Variants in PTPRG observed in about 807,000 individuals in gnomAD.
The protein encoded by PTPRG is receptor-type tyrosine-protein phosphatase gamma.
Under a neutral mutation model 165.3 loss-of-function variants are expected in PTPRG, and 102 were observed. The observed-to-expected ratio is 0.62, with a 90% CI of 0.53 to 0.73. The LOEUF is 0.73. Among genes scored for constraint, PTPRG ranks in the 30% least tolerant of loss-of-function variants. The pLI, the probability that PTPRG is intolerant of heterozygous loss-of-function variation, is 0.00. For synonymous variants in PTPRG, 675 were observed against 669.5 expected (o/e 1.01, Z -0.13); for missense variants, 1,866 against 1,861.4 (o/e 1.00, Z -0.05).
intron 14 of PTPRG, among the ~76,000 whole-genome samples, chr3:62,234,828 C>G (rs1023658876): frequency 1.3e-4 from 19 of 151,794 alleles, no homozygotes; most frequent in African/African-American, 4.6e-4. Context: ...TTAAAAGTCT[C>G]TCCATTCTGA....
chr3:62,064,498 C>T (rs965553452), intron 4 of PTPRG, among the ~76,000 whole-genome samples: 1 of 112,852 alleles, frequency 8.9e-6, no homozygotes, highest in Admixed American at 1.1e-4. Flanking sequence ...TAATTTCTTC[C>T]TTCCCCTCCG....
At chr3:62,072,615 ATGTGTGTGTGTG>A (rs746425268) in intron 4 of PTPRG, among the ~76,000 whole-genome samples, 4 of 134,578 alleles carry the variant, frequency 3.0e-5, no homozygotes, top group Non-Finnish European at 4.7e-5. Flanking sequence ...ATATATGTGT[ATGTGTGTGTGTG>A]TGTGTGTGTG....
At chr3:62,104,589 A>C (rs1702408718) in intron 5 of PTPRG, among the ~76,000 whole-genome samples, 1 of 152,224 alleles carries the variant, frequency 6.6e-6, no homozygotes, top group Non-Finnish European at 1.5e-5. Context: ...ATTTCGTAGC[A>C]ATTTCAGTGT....
intron 1 of PTPRG, among the ~76,000 whole-genome samples, chr3:61,567,965 C>CTAA (rs1559506439): frequency 9.6e-4 from 119 of 123,830 alleles, no homozygotes; most frequent in East Asian, 2.8e-3. Context: ...GACCCTGCCT[C>CTAA]AAAAAAAAAA....
At position 62,219,158 on chromosome 3, in the gene PTPRG, C is replaced by G. The variant is rs1347711732; in HGVS notation, c.2288+175C>G. 6.6e-6 allele frequency among the ~76,000 whole-genome samples: 1 copy of G among 152,184 alleles called. No individual in the cohort carries two copies. The highest frequency in any genetic ancestry group is 1.5e-5 in the Non-Finnish European group (1 of 68,034). On this transcript the variant is annotated intron_variant, in intron 13 of 29. Coordinates refer to ENST00000474889, the MANE Select transcript of PTPRG (RefSeq NM_002841.4). This position sits in a 1 kb window ranked among gnomAD's most constrained non-coding sequence, Gnocchi z 4.5. Reference sequence around the variant, plus strand: ...CTGTTAGATGATGGCAGGGCCAGATCCACTTTTGAGGTCAAGGCATTTATG... The same window carrying G: ...CTGTTAGATGATGGCAGGGCCAGATGCACTTTTGAGGTCAAGGCATTTATG...
At chr3:61,915,829 A>G (rs551903467) in intron 2 of PTPRG, among the ~76,000 whole-genome samples, 6 of 152,212 alleles carry the variant, frequency 3.9e-5, no homozygotes, top group Non-Finnish European at 8.8e-5. Flanking sequence ...TTAAAGTCAA[A>G]TATCTGAACC....
chr3:62,243,762 T>TA, intron 14 of PTPRG, 45 bp from the exon 15 acceptor site: 1 of 1,220,270 alleles, frequency 8.2e-7, no homozygotes, highest in Non-Finnish European at 1.2e-6. Flanking sequence ...TGAACTCAAA[T>TA]AAAGTATATT....
chr3:61,995,600 G>A (rs1013000000), intron 3 of PTPRG, among the ~76,000 whole-genome samples: 2 of 151,670 alleles, frequency 1.3e-5, no homozygotes, highest in African/African-American at 4.8e-5. Flanking sequence ...GGGTGTGTGG[G>A]TATGGGGGTG....
chr3:62,085,026 C>T (rs1048015238), intron 5 of PTPRG, among the ~76,000 whole-genome samples: 2 of 152,114 alleles, frequency 1.3e-5, no homozygotes, highest in African/African-American at 4.8e-5. Flanking sequence ...GGGGGTAGAG[C>T]CTGAGACTAC....
intron 1 of PTPRG, among the ~76,000 whole-genome samples, chr3:61,650,980 T>C (rs1403762932): frequency 6.6e-6 from 1 of 152,198 alleles, no homozygotes; most frequent in Non-Finnish European, 1.5e-5. Flanking sequence ...TGTGGAGTTG[T>C]CTAGTAAAAG....
At chr3:62,026,272 A>G (rs1321918188) in intron 4 of PTPRG, among the ~76,000 whole-genome samples, 1 of 152,232 alleles carries the variant, frequency 6.6e-6, no homozygotes, top group Non-Finnish European at 1.5e-5. Context: ...TAGAAACTTC[A>G]TGCTGAAAGA....
chr3:62,293,906 T>A lies in PTPRG; in HGVS notation c.*599T>A, dbSNP rs1702982693. On this transcript the variant is annotated 3_prime_UTR_variant, in exon 30 of 30. Transcript: ENST00000474889. ...GCTGGTTAAGAGATCCCTTAAGAAG[T>A]TAGAAGGCTTAAGAACTGCTTCATG... is the stretch of plus-strand genomic sequence containing the variant. 1 of 152,558 alleles carries A rather than the reference T, an allele frequency of 6.6e-6. No homozygotes were observed. Among genetic ancestry groups the A allele is most frequent in the African/African-American group, 2.4e-5 (1 of 41,428 alleles). 9.5% of individuals were successfully genotyped at this position (152,558 alleles called of 1,614,324 possible).
At chr3:61,732,433 T>G (rs1352005169) in intron 1 of PTPRG, among the ~76,000 whole-genome samples, 1 of 151,452 alleles carries the variant, frequency 6.6e-6, no homozygotes, top group Non-Finnish European at 1.5e-5. Context: ...AAAAATTAGC[T>G]GGGCATGGTG....
intron 4 of PTPRG, among the ~76,000 whole-genome samples, chr3:62,060,803 ATATCT>A (rs1455605289): frequency 1.3e-5 from 2 of 152,224 alleles, no homozygotes; most frequent in Non-Finnish European, 2.9e-5. Context: ...CCGAAGTTAA[ATATCT>A]TATAGATTGT....
intron 1 of PTPRG, among the ~76,000 whole-genome samples, chr3:61,633,456 T>A (rs1701821293): frequency 6.6e-6 from 1 of 152,248 alleles, no homozygotes; most frequent in Admixed American, 6.5e-5. Flanking sequence ...GACAAAATGA[T>A]GTGAAACATT....
At chr3:62,215,950 G>A (rs950891165) in intron 12 of PTPRG, among the ~76,000 whole-genome samples, 5 of 152,202 alleles carry the variant, frequency 3.3e-5, no homozygotes, top group African/African-American at 1.2e-4. Context: ...GGGCGCGGTG[G>A]CTCACGCCTG....
intron 8 of PTPRG, among the ~76,000 whole-genome samples, chr3:62,186,566 C>CGTTTTTTTTTT (rs1559620068): frequency 2.0e-5 from 2 of 99,606 alleles, no homozygotes; most frequent in Admixed American, 8.8e-5. Context: ...TTTTTCTTTT[C>CGTTTTTTTTTT]CTTTTTTTTT....
Position 61,639,653 on chromosome 3 carries a change from T to C in PTPRG, c.85+77281T>C, listed in dbSNP as rs533984680. ...TGATTAGATGTATTCCTAGGTATTT[T>C]ATTCTTTTTTGTGGCTATTGTAAAT... is the stretch of plus-strand genomic sequence containing the variant. On this transcript the variant is annotated intron_variant, in intron 1 of 29. Coordinates refer to ENST00000474889, the MANE Select transcript of PTPRG (RefSeq NM_002841.4). Among the ~76,000 whole-genome samples the C allele has an allele frequency of 1.6e-3, 242 of 152,318 alleles. 2 individuals carry two copies. Among genetic ancestry groups the C allele is most frequent in the African/African-American group, 5.7e-3 (236 of 41,570 alleles).
At chr3:61,905,095 C>T (rs553949002) in intron 2 of PTPRG, among the ~76,000 whole-genome samples, 2 of 152,206 alleles carry the variant, frequency 1.3e-5, no homozygotes, top group Admixed American at 1.3e-4. Context: ...GAAAGATTGC[C>T]ACACTATAGA....
Sources: allele counts gnomAD v4.1 joint callset (sites outside exome capture counted in the v4.1 genomes callset), GRCh38; gene constraint gnomAD v4.1.1; non-coding constraint Gnocchi (gnomAD v3.1); transcripts MANE v1.5; gene names NCBI Gene and HGNC (gene_info 2026-07-23, HGNC 2026-07-21).